Variants in PPWD1 observed in about 807,000 individuals in gnomAD.
The protein encoded by PPWD1 is peptidylprolyl isomerase domain and WD repeat-containing protein 1.
PPWD1 carries 43 observed loss-of-function variants against 68.8 expected under a neutral mutation model. The ratio of observed to expected loss-of-function variants is 0.62; its 90% CI spans 0.49 to 0.81. PPWD1 has a LOEUF of 0.81. Ranked by LOEUF, PPWD1 falls within the 30% of genes least tolerant of loss-of-function variation. The probability of loss-of-function intolerance (pLI) is 0.00; values close to 1 mark genes in which losing one functional copy is unlikely to be tolerated. For synonymous variants in PPWD1, 232 were observed against 258.7 expected (o/e 0.90, Z 0.99); for missense variants, 672 against 804.8 (o/e 0.83, Z 2.00).
rs929523530 is a variant in PPWD1, at chr5:65,564,390, G to A, written c.196+884G>A. On this transcript the variant is annotated intron_variant, in intron 1 of 10. Transcript: ENST00000261308. Reference sequence around the variant, plus strand: ...CCCAGGCTGGAGCGCATGCAGTGGCGCTATCTCGGCTCACCGCAACCTCCG... The same window carrying A: ...CCCAGGCTGGAGCGCATGCAGTGGCACTATCTCGGCTCACCGCAACCTCCG... Among the ~76,000 whole-genome samples, 3 of 147,920 alleles carry A rather than the reference G, an allele frequency of 2.0e-5. No homozygotes were observed. The Admixed American group carries it at 2.1e-4, about 10-fold the overall frequency.
chr5:65,567,415 C>G (rs906348005), intron 1 of PPWD1, 98 bp from the exon 2 acceptor site: 2 of 1,366,392 alleles, frequency 1.5e-6, no homozygotes, highest in Non-Finnish European at 1.9e-6. Flanking sequence ...GGAGAAAATA[C>G]CAAGTAGAGT....
At chr5:65,568,836 G>A in intron 2 of PPWD1, 1 of 414,892 alleles carries the variant, frequency 2.4e-6, no homozygotes, top group Non-Finnish European at 4.8e-6. Flanking sequence ...AGTTATCAGT[G>A]TGGTAAAACA....
intron 6 of PPWD1, 25 bp from the exon 7 acceptor site, chr5:65,579,399 G>T (rs1753492829): frequency 6.9e-7 from 1 of 1,458,692 alleles, no homozygotes; most frequent in Non-Finnish European, 9.1e-7. Context: ...TGATTCTGTT[G>T]TATAAAACAT....
At chr5:65,578,660 A>AT (rs1561729084) in intron 6 of PPWD1, among the ~76,000 whole-genome samples, 1 of 150,264 alleles carries the variant, frequency 6.7e-6, no homozygotes, top group Non-Finnish European at 1.5e-5. Flanking sequence ...TCCTTGGGAC[A>AT]TTTTTTAATT....
intron 10 of PPWD1, among the ~76,000 whole-genome samples, chr5:65,586,493 T>G (rs1753856879): frequency 6.6e-6 from 1 of 152,308 alleles, no homozygotes; most frequent in Admixed American, 6.5e-5. Flanking sequence ...CCTATTTCCT[T>G]GTCTTTAGAA....
chr5:65,567,687 A>G, intron 2 of PPWD1, 72 bp downstream of exon 2: 1 of 1,428,646 alleles, frequency 7.0e-7, no homozygotes, highest in African/African-American at 1.4e-5. Flanking sequence ...ATTTTGAGGT[A>G]GATTTATAGA....
intron 6 of PPWD1, 44 bp downstream of exon 6, chr5:65,577,113 G>C: frequency 6.4e-7 from 1 of 1,566,134 alleles, no homozygotes; most frequent in East Asian, 2.3e-5. Flanking sequence ...TGTGTTTGTG[G>C]GGGACCATTT....
intron 4 of PPWD1, 95 bp downstream of exon 4, chr5:65,570,093 A>G (rs1752951307): frequency 8.0e-7 from 1 of 1,250,154 alleles, no homozygotes; most frequent in Non-Finnish European, 1.1e-6. Context: ...ATAGTATATT[A>G]CCATATCTTT....
At chr5:65,585,223 A>T in intron 9 of PPWD1, 128 bp downstream of exon 9, 1 of 902,186 alleles carries the variant, frequency 1.1e-6, no homozygotes, top group African/African-American at 1.7e-5. Context: ...AAAATACACT[A>T]TGGAAGCCAA....
chr5:65,578,293 TG>T (rs1753403301), intron 6 of PPWD1, among the ~76,000 whole-genome samples: 1 of 152,238 alleles, frequency 6.6e-6, no homozygotes, highest in East Asian at 1.9e-4. Context: ...GTATAAAAGC[TG>T]CTATAATCAT....
chr5:65,565,676 C>T (rs1449888827), intron 1 of PPWD1, among the ~76,000 whole-genome samples: 3 of 151,896 alleles, frequency 2.0e-5, no homozygotes, highest in African/African-American at 4.8e-5. Context: ...GGCGTGGTGG[C>T]GCACACCTAT....
rs907383708 is a variant in PPWD1 at position 65,576,805 on chromosome 5, T to C, written c.970-74T>C. ...CTTCTATTTAAATTCTCATTGCATATATAGATAGATGGGTTGATATAGATA... is the reference window on the plus strand; with the variant it reads ...CTTCTATTTAAATTCTCATTGCATACATAGATAGATGGGTTGATATAGATA... On this transcript the variant is annotated intron_variant, in intron 5 of 10. Transcript: ENST00000261308. 2.9e-5 allele frequency: 44 copies of C among 1,512,554 alleles called. No individual in the cohort carries two copies. The Admixed American group carries it at 8.8e-4, about 30-fold the overall frequency. The allele number at this position is 1,512,554 out of a possible 1,614,324, so 93.7% of individuals were successfully genotyped here.
rs181331984 is a variant in PPWD1 at position 65,574,391 on chromosome 5, C to T, written c.969+2105C>T. Among the ~76,000 whole-genome samples the T allele has an allele frequency of 1.8e-3, 270 of 150,604 alleles. 2 individuals carry two copies. Among genetic ancestry groups the T allele is most frequent in the African/African-American group, 6.2e-3 (254 of 40,960 alleles). ...TTTAAAATTCTATTAACTTGCAGCT[C>T]TTCCAAGATCCCTTAGGCAAAGAAA... On this transcript the variant is annotated intron_variant, in intron 5 of 10. Coordinates refer to ENST00000261308, the MANE Select transcript of PPWD1 (RefSeq NM_015342.4).
At chr5:65,578,464 G>T (rs1303652893) in intron 6 of PPWD1, among the ~76,000 whole-genome samples, 1 of 152,142 alleles carries the variant, frequency 6.6e-6, no homozygotes, top group African/African-American at 2.4e-5. Context: ...CAATGAATGA[G>T]TGTTCCTGTC....
At position 65,587,547 on chromosome 5, in the gene PPWD1, T is replaced by A; in HGVS notation, c.*151T>A. ...TTTATTAAAGGCTATTTTTTAAAAA[T>A]TACCTTTGACTTTTCTCGCAATATT... On this transcript the variant is annotated 3_prime_UTR_variant, in exon 11 of 11. Coordinates refer to ENST00000261308, the MANE Select transcript of PPWD1 (RefSeq NM_015342.4). The A allele has an allele frequency of 1.5e-6, 1 of 669,276 alleles. No homozygotes were observed. The highest frequency in any genetic ancestry group is 2.3e-6 in the Non-Finnish European group (1 of 442,910). 41.5% of individuals were successfully genotyped at this position (669,276 alleles called of 1,614,324 possible).
chr5:65,577,349 C>G (rs1468852319), intron 6 of PPWD1, among the ~76,000 whole-genome samples: 1 of 152,084 alleles, frequency 6.6e-6, no homozygotes, highest in Admixed American at 6.5e-5. Flanking sequence ...CTGTCTTTTG[C>G]TTATTGATTT....
At chr5:65,567,489 T>C (rs763333841) in intron 1 of PPWD1, 24 bp from the exon 2 acceptor site, 1 of 1,588,222 alleles carries the variant, frequency 6.3e-7, no homozygotes, top group East Asian at 2.2e-5. Context: ...AAATAGATCT[T>C]ATACTTTACT....
intron 8 of PPWD1, 80 bp downstream of exon 8, chr5:65,583,299 A>G (rs897003708): frequency 3.9e-6 from 5 of 1,286,302 alleles, no homozygotes; most frequent in Non-Finnish European, 5.1e-6. Flanking sequence ...TGCAACTTAA[A>G]ATTCCCGTTA....
chr5:65,583,011 GACTC>G, intron 7 of PPWD1, 23 bp from the exon 8 acceptor site: 1 of 1,480,496 alleles, frequency 6.8e-7, no homozygotes, highest in African/African-American at 1.4e-5. Flanking sequence ...TTAATTCGTT[GACTC>G]ACTTTTTACT....
Sources: gnomAD v4.1 joint callset for allele counts (sites outside exome capture counted in the v4.1 genomes callset) on GRCh38, gnomAD v4.1.1 for gene constraint, MANE v1.5 for transcripts, NCBI Gene and HGNC (gene_info 2026-07-23, HGNC 2026-07-21) for gene names.